PLXNA2: variants seen among roughly 807,000 people sequenced by gnomAD.
PLXNA2 encodes the protein plexin A2.
A neutral mutation model predicts 193.5 loss-of-function variants in PLXNA2; 91 were observed. The observed-to-expected ratio is 0.47, with a 90% CI of 0.40 to 0.56. The LOEUF (loss-of-function observed/expected upper bound fraction) is 0.56, where lower values mean the gene tolerates loss of function less well. PLXNA2 is among the 20% of genes least tolerant of loss of function. The probability of loss-of-function intolerance (pLI) is 0.00; values close to 1 mark genes in which losing one functional copy is unlikely to be tolerated. For synonymous variants in PLXNA2, 997 were observed against 1,027.3 expected (o/e 0.97, Z 0.56); for missense variants, 1,995 against 2,503.2 (o/e 0.80, Z 4.33).
chr1:208,061,918 T>C (rs1321753466), intron 12 of PLXNA2, among the ~76,000 whole-genome samples: 1 of 152,168 alleles, frequency 6.6e-6, no homozygotes, highest in African/African-American at 2.4e-5. Flanking sequence ...GAGTATCTTA[T>C]TCTAAGATAC....
intron 2 of PLXNA2, among the ~76,000 whole-genome samples, chr1:208,212,246 T>C (rs980492644): frequency 1.2e-4 from 19 of 152,176 alleles, no homozygotes; most frequent in Non-Finnish European, 4.4e-5. Flanking sequence ...TTTGGAATAA[T>C]TGGTTTATAA....
rs752756191 is a variant in PLXNA2 at position 208,038,378 on chromosome 1, T to C, written c.4757A>G (p.His1586Arg). 1.9e-6 allele frequency: 3 copies of C among 1,606,582 alleles called. No individual in the cohort carries two copies. Among genetic ancestry groups the C allele is most frequent in the Non-Finnish European group, 2.6e-6 (3 of 1,173,098 alleles). The change falls in exon 26 of 32, where the codon CAT becomes CGT. Residue 1586 changes from histidine (H) to arginine (R), a missense_variant. Coordinates refer to ENST00000367033, the MANE Select transcript of PLXNA2 (RefSeq NM_025179.4). This position sits in a 1 kb window ranked among gnomAD's most constrained non-coding sequence, Gnocchi z 4.1. ...GDWKRLNTLMHYQVSDRSVVA... is the reference protein window; with the variant it reads ...GDWKRLNTLMRYQVSDRSVVA... ...AAAGACACCCCCTCTCACCTGATAA[T>C]GCATCAGTGTGTTGAGCCGCTTCCA...
At chr1:208,094,629 C>T (rs2249852) in intron 8 of PLXNA2, among the ~76,000 whole-genome samples, 106,082 of 152,052 alleles carry the variant, frequency 0.7, 37,324 homozygotes, top group East Asian at 0.79. Flanking sequence ...GCTTGCCATT[C>T]CCAAAGCAGG....
In PLXNA2 at chr1:208,026,267, G is replaced by T. The variant is rs1664339384; in HGVS notation, c.*976C>A. The T allele has an allele frequency of 6.6e-6, 1 of 152,218 alleles. No individual in the cohort carries two copies. The highest frequency in any genetic ancestry group is 2.4e-5 in the African/African-American group (1 of 41,446). 9.4% of individuals were successfully genotyped at this position (152,218 alleles called of 1,614,324 possible). On this transcript the variant is annotated 3_prime_UTR_variant, in exon 32 of 32. Transcript: ENST00000367033. ...ACAGGGATTGATATGAGGCAGGGCT[G>T]CCAGGTGTCTGGTCTGGGAGAGGCC... is the stretch of plus-strand genomic sequence containing the variant.
In PLXNA2 at chr1:208,217,549, C is replaced by T. The variant is rs771808559; in HGVS notation, c.374G>A (p.Arg125His). 6 of 1,614,048 alleles carry T rather than the reference C, an allele frequency of 3.7e-6. No homozygotes were observed. The highest frequency in any genetic ancestry group is 4.5e-5 in the East Asian group (2 of 44,892). Residue 125 changes from arginine (R) to histidine (H), a missense_variant, in exon 2 of 32, where the codon CGC becomes CAC. Coordinates refer to ENST00000367033, the MANE Select transcript of PLXNA2 (RefSeq NM_025179.4). This position sits in a 1 kb window ranked among gnomAD's most constrained non-coding sequence, Gnocchi z 4.7. Reference protein sequence around the residue: ...KLLIIDYSENRLLACGSLYQG... With the variant: ...KLLIIDYSENHLLACGSLYQG... ...GTAGAGGCTCCCACAGGCCAGCAGG[C>T]GGTTCTCAGAGTAGTCAATGATGAG...
intron 3 of PLXNA2, among the ~76,000 whole-genome samples, chr1:208,147,762 A>G (rs1668643330): frequency 6.6e-6 from 1 of 152,234 alleles, no homozygotes; most frequent in Non-Finnish European, 1.5e-5. Flanking sequence ...AATAATGGGC[A>G]AACATAGCTG....
At chr1:208,060,108 C>T (rs188150153) in intron 13 of PLXNA2, among the ~76,000 whole-genome samples, 10 of 152,310 alleles carry the variant, frequency 6.6e-5, no homozygotes, top group African/African-American at 2.4e-4. Flanking sequence ...GCTTCGTGCC[C>T]ACCTCCTGCC....
intron 3 of PLXNA2, among the ~76,000 whole-genome samples, chr1:208,205,919 C>T (rs1670706121): frequency 6.6e-6 from 1 of 152,194 alleles, no homozygotes; most frequent in African/African-American, 2.4e-5. Context: ...GATTGTAAAA[C>T]CAGGTAATCA....
rs367873971 is a variant in PLXNA2 at position 208,096,789 on chromosome 1, C to A, written c.1826G>T (p.Ser609Ile). The A allele has an allele frequency of 9.3e-6, 15 of 1,614,126 alleles. No individual in the cohort carries two copies. The highest frequency in any genetic ancestry group is 1.2e-5 in the Non-Finnish European group (14 of 1,180,024). ...CCCAGGTGAGATGCAGATGACCTGG[C>A]TCCCGGACACCTGCCCCTCCACCTC... ...LTEVEGQVSG[S>I]QVICISPGPK... The change falls in exon 7 of 32, where the codon AGC becomes ATC. Residue 609 changes from serine (S) to isoleucine (I), a missense_variant. Around this residue, in one of 3 missense-constraint regions of PLXNA2, gnomAD observed 702 missense variants for 812.9 expected, o/e 0.86. Transcript: ENST00000367033.
intron 1 of PLXNA2, among the ~76,000 whole-genome samples, chr1:208,233,164 G>T (rs956333407): frequency 2.0e-5 from 3 of 152,128 alleles, no homozygotes; most frequent in Non-Finnish European, 4.4e-5. Context: ...CTTGTAGGAC[G>T]ATGATTTGCG....
At chr1:208,056,118 T>C (rs1426637354) in intron 13 of PLXNA2, among the ~76,000 whole-genome samples, 1 of 152,232 alleles carries the variant, frequency 6.6e-6, no homozygotes, top group African/African-American at 2.4e-5. Flanking sequence ...GCTACCTGCG[T>C]GTGGTTAACG....
At chr1:208,229,224 G>A (rs1331190385) in intron 1 of PLXNA2, among the ~76,000 whole-genome samples, 2 of 152,164 alleles carry the variant, frequency 1.3e-5, no homozygotes, top group Non-Finnish European at 2.9e-5. Flanking sequence ...AAAGGAGATT[G>A]GAGGTGGAGA....
At chr1:208,178,898 G>C (rs1161039731) in intron 3 of PLXNA2, among the ~76,000 whole-genome samples, 1 of 152,236 alleles carries the variant, frequency 6.6e-6, no homozygotes, top group Admixed American at 6.5e-5. Context: ...AAGCTCTGCA[G>C]GTGATTCGGA....
At position 208,040,369 on chromosome 1, in the gene PLXNA2, C is replaced by CCCACAG. The variant is rs554445118; in HGVS notation, c.4287-317_4287-312dup. 1.3e-3 allele frequency: 469 copies of CCCACAG among 365,636 alleles called. 4 individuals carry two copies. The highest frequency in any genetic ancestry group is 7.1e-3 in the African/African-American group (341 of 48,204). 22.6% of individuals were successfully genotyped at this position (365,636 alleles called of 1,614,324 possible). The stretch of plus-strand genomic sequence containing the variant: ...TCTGTGGATAAAGGCACCTCACTAT[C>CCCACAG]CCACAGGGCTATAAAGAACCGGTTC... On this transcript the variant is annotated intron_variant, in intron 22 of 31. Coordinates refer to ENST00000367033, the MANE Select transcript of PLXNA2 (RefSeq NM_025179.4).
intron 13 of PLXNA2, among the ~76,000 whole-genome samples, chr1:208,058,523 G>C (rs549324892): frequency 6.4e-4 from 98 of 152,270 alleles, no homozygotes; most frequent in Non-Finnish European, 1.2e-3. Context: ...CTCACTGCCC[G>C]GGATGGAGGC....
At chr1:208,099,913 G>A (rs1229548974) in intron 5 of PLXNA2, among the ~76,000 whole-genome samples, 1 of 152,020 alleles carries the variant, frequency 6.6e-6, no homozygotes, top group Non-Finnish European at 1.5e-5. Context: ...AGACCACAGA[G>A]TGAGGGCAGC....
At chr1:208,031,443 T>C (rs943734284) in intron 29 of PLXNA2, 147 bp downstream of exon 29, 52 of 1,293,904 alleles carry the variant, frequency 4.0e-5, no homozygotes, top group Non-Finnish European at 5.1e-5. Flanking sequence ...GCAGAGCATA[T>C]GTGCACTGTT....
At chr1:208,089,548 C>T (rs1277127785) in intron 9 of PLXNA2, among the ~76,000 whole-genome samples, 2 of 152,192 alleles carry the variant, frequency 1.3e-5, no homozygotes, top group South Asian at 4.1e-4. Flanking sequence ...TCTTTAGCCT[C>T]ATCTGGGATG....
At chr1:208,180,650 C>G (rs1034825676) in intron 3 of PLXNA2, among the ~76,000 whole-genome samples, 1 of 152,240 alleles carries the variant, frequency 6.6e-6, no homozygotes, top group Non-Finnish European at 1.5e-5. Flanking sequence ...CTCCGTTTGG[C>G]AGACGAGGAA....
Sources: gnomAD v4.1 joint callset for allele counts (sites outside exome capture counted in the v4.1 genomes callset) on GRCh38, gnomAD v4.1.1 for gene constraint, gnomAD v4.1.1 regional missense constraint, Gnocchi (gnomAD v3.1) non-coding constraint, MANE v1.5 for transcripts, NCBI Gene and HGNC (gene_info 2026-07-23, HGNC 2026-07-21) for gene names.